Variants in TACC1 observed in about 807,000 individuals in gnomAD.
The protein encoded by TACC1 is transforming acidic coiled-coil containing protein 1.
TACC1 carries 48 observed loss-of-function variants against 84.4 expected under a neutral mutation model. The observed-to-expected ratio is 0.57, with a 90% CI of 0.45 to 0.72. The LOEUF is 0.72. Among genes scored for constraint, TACC1 ranks in the 30% least tolerant of loss-of-function variants. The probability of loss-of-function intolerance (pLI) is 0.00; values close to 1 mark genes in which losing one functional copy is unlikely to be tolerated. For missense variants in TACC1, 920 were observed against 973.0 expected, an observed-to-expected ratio of 0.95 and a Z score of 0.72; for synonymous variants, 372 against 376.3, an observed-to-expected ratio of 0.99 and a Z score of 0.13.
chr8:38,757,555 A>C, intron 3 of TACC1: 1 of 1,087,512 alleles, frequency 9.2e-7, no homozygotes, highest in South Asian at 1.9e-5. Context: ...GCAGCGGGGC[A>C]CGAGAGTTTG....
In TACC1 at chr8:38,820,030, A is replaced by T. The variant is rs372104707; in HGVS notation, c.786A>T (p.Ala262=). 17 of 1,613,984 alleles carry T rather than the reference A, an allele frequency of 1.1e-5. No homozygotes were observed. The highest frequency in any genetic ancestry group is 1.4e-5 in the Non-Finnish European group (16 of 1,180,034). Residue 262 remains alanine (A), a synonymous_variant, in exon 3 of 13, where the codon GCA becomes GCT. Coordinates refer to ENST00000317827, the MANE Select transcript of TACC1 (RefSeq NM_006283.3). The part of the protein sequence containing the change: ...AAVEGTPLPK[A]SYHFSPEELD... ...TGGAGGGCACACCTCTCCCCAAGGC[A>T]TCCTATCACTTCAGTCCTGAAGAGT...
At chr8:38,784,822 G>C (rs899679476), upstream of TACC1, among the ~76,000 whole-genome samples, 1 of 152,192 alleles carries the variant, frequency 6.6e-6, no homozygotes, top group African/African-American at 2.4e-5. Context: ...AGTCCCAAAG[G>C]GGGGTAAAGT....
At chr8:38,822,650 T>C (rs1165565597) in intron 3 of TACC1, among the ~76,000 whole-genome samples, 1 of 152,318 alleles carries the variant, frequency 6.6e-6, no homozygotes, top group Middle Eastern at 3.4e-3. Flanking sequence ...CACAAACACA[T>C]GGTACAGCTA....
chr8:38,788,578 T>G, intron 1 of TACC1, 126 bp from the exon 2 acceptor site: 1 of 723,774 alleles, frequency 1.4e-6, no homozygotes, highest in Non-Finnish European at 2.3e-6. Context: ...CAGACCCTGC[T>G]GAGGACCGGT....
At chr8:38,746,990 G>A (rs1808205468) in intron 3 of TACC1, among the ~76,000 whole-genome samples, 1 of 152,086 alleles carries the variant, frequency 6.6e-6, no homozygotes, top group Non-Finnish European at 1.5e-5. Context: ...ACATTTATGA[G>A]CTAAACACTC....
Position 38,819,821 on chromosome 8 carries a change from G to A in TACC1, c.577G>A (p.Asp193Asn). Residue 193 changes from aspartate to asparagine, a missense_variant, in exon 3 of 13, where the codon GAC becomes AAC. Asp to Asn is a conservative substitution (Grantham distance 23). Coordinates refer to ENST00000317827, the MANE Select transcript of TACC1 (RefSeq NM_006283.3). Reference sequence around the variant, plus strand: ...TTCCAGCCCGCCAGACGCCCTCCAGGACGAGGCGATGACAGAAGGCAGCAT... The same window carrying A: ...TTCCAGCCCGCCAGACGCCCTCCAGAACGAGGCGATGACAGAAGGCAGCAT... ...LPSSPPDALQDEAMTEGSMGV... is the reference protein window; with the variant it reads ...LPSSPPDALQNEAMTEGSMGV... 6.2e-7 allele frequency: 1 copy of A among 1,613,934 alleles called. No individual in the cohort carries two copies. The highest frequency in any genetic ancestry group is 2.2e-5 in the East Asian group (1 of 44,880).
chr8:38,757,568 C>T (rs887609680), intron 3 of TACC1, among the ~76,000 whole-genome samples: 3 of 151,974 alleles, frequency 2.0e-5, no homozygotes, highest in Non-Finnish European at 4.4e-5. Context: ...AGAGTTTGGC[C>T]AGCAGGGCCC....
chr8:38,745,539 G>A (rs757398322), intron 3 of TACC1: 9 of 676,354 alleles, frequency 1.3e-5, no homozygotes, highest in Admixed American at 4.7e-5. Flanking sequence ...CTGTTTGTTT[G>A]TTTGTTTTTG....
chr8:38,831,771 C>T (rs775874675), intron 6 of TACC1, among the ~76,000 whole-genome samples: 38 of 151,770 alleles, frequency 2.5e-4, no homozygotes, highest in African/African-American at 8.7e-4. Context: ...GCTGGGATTA[C>T]AGGCATGAGC....
chr8:38,781,826 A>G (rs1300089997), intron 3 of TACC1, among the ~76,000 whole-genome samples: 2 of 152,176 alleles, frequency 1.3e-5, no homozygotes, highest in Non-Finnish European at 2.9e-5. Flanking sequence ...TCTTAAATTT[A>G]TAAACAACAT....
intron 3 of TACC1, among the ~76,000 whole-genome samples, chr8:38,764,087 T>C (rs971627792): frequency 2.6e-5 from 4 of 152,210 alleles, no homozygotes; most frequent in Non-Finnish European, 5.9e-5. Flanking sequence ...TCCTTTTCTT[T>C]TCTTTTTTGA....
chr8:38,793,523 G>C (rs780845434), intron 2 of TACC1, among the ~76,000 whole-genome samples: 3 of 151,860 alleles, frequency 2.0e-5, no homozygotes, highest in Non-Finnish European at 2.9e-5. Context: ...AGGGTGGACT[G>C]TATGGTTTGT....
chr8:38,846,633 C>G, intron 11 of TACC1, 66 bp from the exon 12 acceptor site: 3 of 1,590,506 alleles, frequency 1.9e-6, no homozygotes, highest in Non-Finnish European at 2.6e-6. Flanking sequence ...AGTATCCTGA[C>G]TGGCTTTGAC....
At chr8:38,797,436 T>A (rs1280702853) in intron 2 of TACC1, among the ~76,000 whole-genome samples, 2 of 152,266 alleles carry the variant, frequency 1.3e-5, no homozygotes, top group Admixed American at 1.3e-4. Flanking sequence ...CTCTTCACTA[T>A]GCCCTTCCTA....
At chr8:38,810,473 G>A (rs1363159126) in intron 2 of TACC1, among the ~76,000 whole-genome samples, 1 of 151,992 alleles carries the variant, frequency 6.6e-6, no homozygotes, top group African/African-American at 2.4e-5. Flanking sequence ...CACACTGGCT[G>A]TATGCCTGTT....
chr8:38,812,144 A>G (rs6999535), intron 2 of TACC1, among the ~76,000 whole-genome samples: 3,178 of 152,266 alleles, frequency 0.021, 46 homozygotes, highest in Middle Eastern at 0.054. Flanking sequence ...GTTTTCTGTT[A>G]AGATGTTTAT....
upstream of TACC1, chr8:38,785,741 G>A: frequency 1.0e-6 from 1 of 984,952 alleles, no homozygotes; most frequent in Non-Finnish European, 1.2e-6. Context: ...TACTGGGTAA[G>A]CATAAACCTA....
At chr8:38,771,166 A>G (rs1409802547) in intron 3 of TACC1, among the ~76,000 whole-genome samples, 1 of 152,180 alleles carries the variant, frequency 6.6e-6, no homozygotes, top group African/African-American at 2.4e-5. Flanking sequence ...GTATTGGGAA[A>G]GAGACGGGGA....
chr8:38,741,236 A>G (rs1411197139), intron 1 of TACC1, among the ~76,000 whole-genome samples: 1 of 125,826 alleles, frequency 7.9e-6, no homozygotes, highest in Non-Finnish European at 1.7e-5. Flanking sequence ...GCTCACTACA[A>G]CCTCCACCTC....
Sources: allele counts gnomAD v4.1 joint callset (sites outside exome capture counted in the v4.1 genomes callset), GRCh38; gene constraint gnomAD v4.1.1; transcripts MANE v1.5; gene names NCBI Gene and HGNC (gene_info 2026-07-23, HGNC 2026-07-21).